The following UBASH3B variants were observed in gnomAD, a reference collection of about 807,000 sequenced individuals.
UBASH3B encodes the protein ubiquitin-associated and SH3 domain-containing protein B.
Under a neutral mutation model 83.4 loss-of-function variants are expected in UBASH3B, and 37 were observed. That is an observed-to-expected ratio of 0.44 (90% CI 0.34 to 0.58). The LOEUF (loss-of-function observed/expected upper bound fraction) is 0.58. Ranked by LOEUF, UBASH3B falls within the 20% of genes least tolerant of loss-of-function variation. The probability of loss-of-function intolerance (pLI) is 0.01; values close to 1 mark genes in which losing one functional copy is unlikely to be tolerated. For missense variants in UBASH3B, 657 were observed against 827.2 expected (o/e 0.79, Z 2.52); for synonymous variants, 304 against 318.3 (o/e 0.96, Z 0.48).
intron 1 of UBASH3B, among the ~76,000 whole-genome samples, chr11:122,674,188 A>G (rs1863635798): frequency 6.6e-6 from 1 of 152,232 alleles, no homozygotes; most frequent in African/African-American, 2.4e-5. Flanking sequence ...AAACACAGAG[A>G]TGTAAACGGT....
chr11:122,691,161 T>A (rs1228448824), intron 1 of UBASH3B, among the ~76,000 whole-genome samples: 1 of 152,224 alleles, frequency 6.6e-6, no homozygotes, highest in Non-Finnish European at 1.5e-5. Context: ...GAGAGGTTCA[T>A]CACTGGAAAA....
At chr11:122,796,766 C>A in intron 8 of UBASH3B, 145 bp from the exon 9 acceptor site, 1 of 1,062,502 alleles carries the variant, frequency 9.4e-7, no homozygotes, top group Non-Finnish European at 1.3e-6. Context: ...AAATGTCAGC[C>A]TTGATATTTT....
chr11:122,717,524 G>T (rs1398057616), intron 1 of UBASH3B, among the ~76,000 whole-genome samples: 1 of 152,246 alleles, frequency 6.6e-6, no homozygotes, highest in Non-Finnish European at 1.5e-5. Flanking sequence ...CAGATCAGTA[G>T]AGGGAGAAGC....
intron 1 of UBASH3B, among the ~76,000 whole-genome samples, chr11:122,739,279 A>G (rs1156481156): frequency 1.3e-5 from 2 of 152,236 alleles, no homozygotes; most frequent in African/African-American, 4.8e-5. Context: ...AGTATGGATT[A>G]TAGAGGAGGA....
At chr11:122,695,697 C>A (rs1047191483) in intron 1 of UBASH3B, among the ~76,000 whole-genome samples, 4 of 152,056 alleles carry the variant, frequency 2.6e-5, no homozygotes, top group African/African-American at 9.7e-5. Flanking sequence ...GTTGTTTGGA[C>A]CTTCAGTTAC....
At chr11:122,661,147 A>G (rs1863432979) in intron 1 of UBASH3B, among the ~76,000 whole-genome samples, 1 of 152,212 alleles carries the variant, frequency 6.6e-6, no homozygotes, top group Non-Finnish European at 1.5e-5. Flanking sequence ...GCGAGGATTT[A>G]CGTGTATTAT....
chr11:122,797,639 TG>T (rs1195135025), intron 9 of UBASH3B, among the ~76,000 whole-genome samples: 1 of 152,190 alleles, frequency 6.6e-6, no homozygotes, highest in Non-Finnish European at 1.5e-5. Context: ...ATGTATTGAT[TG>T]CATGCATCCA....
chr11:122,671,083 C>G (rs1349246182), intron 1 of UBASH3B, among the ~76,000 whole-genome samples: 1 of 151,774 alleles, frequency 6.6e-6, no homozygotes, highest in Non-Finnish European at 1.5e-5. Context: ...ATTAAAATAG[C>G]ATTCAGTTTG....
At chr11:122,760,938 C>T (rs1391558595) in intron 1 of UBASH3B, among the ~76,000 whole-genome samples, 4 of 152,318 alleles carry the variant, frequency 2.6e-5, no homozygotes, top group Non-Finnish European at 5.9e-5. Context: ...CCAAGACCAT[C>T]CAGTTGTTTC....
intron 1 of UBASH3B, among the ~76,000 whole-genome samples, chr11:122,658,070 G>C (rs1035957033): frequency 1.3e-5 from 2 of 151,854 alleles, no homozygotes; most frequent in Non-Finnish European, 2.9e-5. Context: ...CAGCTACTTG[G>C]GAGGCTGAGA....
At chr11:122,668,151 AT>A (rs879923124) in intron 1 of UBASH3B, among the ~76,000 whole-genome samples, 39 of 151,468 alleles carry the variant, frequency 2.6e-4, no homozygotes, top group Non-Finnish European at 5.5e-4. Context: ...ATACCAGGCT[AT>A]TTTTTTTGTA....
rs763574641 is a variant in UBASH3B at position 122,794,777 on chromosome 11, TGAG to T, written c.1059_1061del (p.Glu353del). ...ATGGAGTATTGGAGAGGCGGCCTTA[TGAG>T]GACCAGGGGCTCGGGGAGACGACTC... On this transcript the variant is annotated inframe_deletion, in exon 7 of 14. Coordinates refer to ENST00000284273, the MANE Select transcript of UBASH3B (RefSeq NM_032873.5). 6.2e-7 allele frequency: 1 copy of T among 1,614,048 alleles called. No homozygotes were observed. The highest frequency in any genetic ancestry group is 1.3e-5 in the African/African-American group (1 of 74,922).
intron 1 of UBASH3B, among the ~76,000 whole-genome samples, chr11:122,773,610 G>T (rs979685954): frequency 3.3e-5 from 5 of 152,150 alleles, no homozygotes; most frequent in Non-Finnish European, 7.3e-5. Context: ...TACCAGATAC[G>T]ATAACCTTCC....
intron 1 of UBASH3B, among the ~76,000 whole-genome samples, chr11:122,709,840 T>G (rs1475710381): frequency 6.7e-6 from 1 of 149,418 alleles, no homozygotes; most frequent in African/African-American, 2.5e-5. Context: ...ATTTGTTAGT[T>G]CATTCATTTG....
chr11:122,662,480 T>G lies in UBASH3B; in HGVS notation c.161+6270T>G, dbSNP rs1229536618. 3.4e-5 allele frequency among the ~76,000 whole-genome samples: 5 copies of G among 149,132 alleles called. No individual in the cohort carries two copies. In the East Asian group the frequency reaches 8.0e-4, roughly 24 times the overall value. ...TTCACTCTTGTTGCCCAGGCAGGAG[T>G]GCAATGCTGCGATCTCAGCTCACTG... On this transcript the variant is annotated intron_variant, in intron 1 of 13. Transcript: ENST00000284273.
At chr11:122,689,019 C>T (rs937879809) in intron 1 of UBASH3B, among the ~76,000 whole-genome samples, 4 of 148,308 alleles carry the variant, frequency 2.7e-5, no homozygotes, top group Admixed American at 1.3e-4. Context: ...AGGCTGGTCT[C>T]GAACTCCTGA....
At chr11:122,678,817 G>A (rs7120909) in intron 1 of UBASH3B, among the ~76,000 whole-genome samples, 23,762 of 152,128 alleles carry the variant, frequency 0.16, 2,003 homozygotes, top group African/African-American at 0.21. Context: ...CAAAGGAACC[G>A]CGTACCAGGA....
chr11:122,733,416 T>G (rs1169844992), intron 1 of UBASH3B, among the ~76,000 whole-genome samples: 1 of 152,244 alleles, frequency 6.6e-6, no homozygotes, highest in Non-Finnish European at 1.5e-5. Flanking sequence ...TCAACAAGTA[T>G]GTCAACGATA....
chr11:122,657,870 A>G (rs1322353733), intron 1 of UBASH3B, among the ~76,000 whole-genome samples: 1 of 152,144 alleles, frequency 6.6e-6, no homozygotes, highest in African/African-American at 2.4e-5. Context: ...GTCGGTGTGG[A>G]TGATCAATGT....
Sources: allele counts gnomAD v4.1 joint callset (sites outside exome capture counted in the v4.1 genomes callset), GRCh38; gene constraint gnomAD v4.1.1; transcripts MANE v1.5; gene names NCBI Gene and HGNC (gene_info 2026-07-23, HGNC 2026-07-21).